PSG2: variants seen among roughly 807,000 people sequenced by gnomAD.
PSG2 encodes the protein pregnancy-specific beta-1-glycoprotein 2.
In PSG2, 49 loss-of-function variants were observed where a neutral mutation model predicts 36.2. The ratio of observed to expected loss-of-function variants is 1.35; its 90% CI spans 1.08 to 1.72. The LOEUF is 1.72. Among genes scored for constraint, PSG2 ranks in the 40% most tolerant of loss-of-function variants. PSG2 has a pLI of 0.00. For synonymous variants in PSG2, 261 were observed against 155.6 expected (o/e 1.68, Z -5.04); for missense variants, 605 against 407.2 (o/e 1.49, Z -4.18).
In PSG2 at chr19:43,075,538, G is replaced by A. The variant is rs201654813; in HGVS notation, c.525C>T (p.Asp175=). ...CATTCATCCACCACTGGTAGCTTGT[G>A]TCCGGAGTCTCAGGATCACAGGTTA... is the stretch of plus-strand genomic sequence containing the variant. ...VILTCDPETP[D]TSYQWWMNGQ... The change falls in exon 3 of 6, where the codon GAC becomes GAT. Residue 175 remains aspartate (D), a synonymous_variant. Coordinates refer to ENST00000406487, the MANE Select transcript of PSG2 (RefSeq NM_031246.4). 1 of 1,613,300 alleles carries A rather than the reference G, an allele frequency of 6.2e-7. No homozygotes were observed.
At position 43,071,705 on chromosome 19, in the gene PSG2, A is replaced by G. The variant is rs755466927; in HGVS notation, c.959T>C (p.Val320Ala). The stretch of plus-strand genomic sequence containing the variant: ...GGATGCTGGGATCCACTTACCAGAG[A>G]CTTTGACTGTCAACGATGTGGAGCT... ...EESSTSLTVK[V>A]SASTRIGLLP... Residue 320 changes from valine to alanine, a missense_variant, in exon 4 of 6, where the codon GTC (valine) becomes GCC (alanine). Val to Ala is a moderately conservative substitution (Grantham distance 64). Coordinates refer to ENST00000406487, the MANE Select transcript of PSG2 (RefSeq NM_031246.4). The G allele has an allele frequency of 1.9e-6, 3 of 1,612,886 alleles. No individual in the cohort carries two copies. Among genetic ancestry groups the G allele is most frequent in the South Asian group, 2.2e-5 (2 of 91,032 alleles).
intron 2 of PSG2, among the ~76,000 whole-genome samples, chr19:43,078,379 A>C (rs1207773831): frequency 1.3e-5 from 2 of 151,732 alleles, no homozygotes; most frequent in East Asian, 3.8e-4. Flanking sequence ...GACTGCTCCA[A>C]TGTCATTTGG....
intron 5 of PSG2, chr19:43,065,727 C>T (rs1479292971): frequency 6.6e-6 from 1 of 151,682 alleles, no homozygotes; most frequent in Non-Finnish European, 1.5e-5. Context: ...TTTTTGAACA[C>T]ATGAACTGAT....
intron 4 of PSG2, among the ~76,000 whole-genome samples, chr19:43,068,820 C>T (rs968373033): frequency 6.6e-6 from 1 of 151,530 alleles, no homozygotes; most frequent in Non-Finnish European, 1.5e-5. Flanking sequence ...GACAAGGATG[C>T]CCACTTTTGA....
chr19:43,076,817 G>C (rs573272367), intron 2 of PSG2, among the ~76,000 whole-genome samples: 2 of 136,732 alleles, frequency 1.5e-5, no homozygotes, highest in African/African-American at 6.6e-5. Flanking sequence ...AAAGTGTTTT[G>C]GATTTCTAAT....
In PSG2 at chr19:43,081,065, A is replaced by G. The variant is rs763706437; in HGVS notation, c.246T>C (p.Tyr82=). Residue 82 remains tyrosine (Y), a synonymous_variant, in exon 2 of 6, where the codon TAT becomes TAC. Coordinates refer to ENST00000406487, the MANE Select transcript of PSG2 (RefSeq NM_031246.4). ...ATATAATTATTTGACCGTCTACTAC[A>G]TATGATGTAATGTAATGGTAGAGGT... ...IRDLYHYITS[Y]VVDGQIIIYG... The G allele has an allele frequency of 3.4e-5, 55 of 1,612,726 alleles. No individual in the cohort carries two copies. The highest frequency in any genetic ancestry group is 5.0e-5 in the Admixed American group (3 of 59,928).
chr19:43,068,340 G>C (rs1967770020), intron 4 of PSG2, among the ~76,000 whole-genome samples: 1 of 151,174 alleles, frequency 6.6e-6, no homozygotes, highest in Non-Finnish European at 1.5e-5. Flanking sequence ...TTGAGAGGCT[G>C]AAGAAGGAGA....
chr19:43,077,945 G>T lies in PSG2; in HGVS notation c.431-2313C>A, dbSNP rs183648787. On this transcript the variant is annotated intron_variant, in intron 2 of 5. Transcript: ENST00000406487. ...TTGTTATATGCCTGACCGGAAGCCA[G>T]AAGTCTCTAGGAAGTGACTGGAGAA... 4.7e-4 allele frequency among the ~76,000 whole-genome samples: 69 copies of T among 147,278 alleles called. 2 individuals are homozygous for T. The highest frequency in any genetic ancestry group is 4.6e-3 in the Admixed American group (69 of 14,954).
intron 1 of PSG2, 150 bp from the exon 2 acceptor site, chr19:43,081,396 CACAAA>C: frequency 4.7e-6 from 5 of 1,055,678 alleles, no homozygotes; most frequent in Non-Finnish European, 3.9e-6. Flanking sequence ...CACACACACA[CACAAA>C]AGGGGCATGT....
chr19:43,074,207 G>A (rs900069578), intron 3 of PSG2, among the ~76,000 whole-genome samples: 1 of 151,528 alleles, frequency 6.6e-6, no homozygotes, highest in African/African-American at 2.4e-5. Context: ...TCAGATTTAG[G>A]ACGGAGTTTT....
chr19:43,068,689 A>G (rs1967776009), intron 4 of PSG2, among the ~76,000 whole-genome samples: 1 of 151,702 alleles, frequency 6.6e-6, no homozygotes, highest in Non-Finnish European at 1.5e-5. Context: ...TTTTCATAAG[A>G]AAAACATTGT....
At chr19:43,066,672 C>T (rs1215002723) in intron 4 of PSG2, 72 bp from the exon 5 acceptor site, 24 of 1,455,546 alleles carry the variant, frequency 1.6e-5, no homozygotes, top group East Asian at 1.1e-4. Context: ...CAGGAACAAG[C>T]ATGTAACATG....
In PSG2 at chr19:43,070,525, T is replaced by G. The variant is rs191983618; in HGVS notation, c.964+1175A>C. ...AATGTTATTCAACCTTAACAAGGAA[T>G]AAAATTCCAATACATCGTGCAAAAT... On this transcript the variant is annotated intron_variant, in intron 4 of 5. Transcript: ENST00000406487. 1.0e-3 allele frequency among the ~76,000 whole-genome samples: 152 copies of G among 151,878 alleles called. 5 individuals are homozygous for G. The highest frequency in any genetic ancestry group is 3.4e-3 in the Admixed American group (52 of 15,250).
intron 2 of PSG2, among the ~76,000 whole-genome samples, chr19:43,079,353 C>T (rs543929867): frequency 6.6e-6 from 1 of 151,384 alleles, no homozygotes; most frequent in East Asian, 1.9e-4. Context: ...GCTTTAGGGG[C>T]AAGAGGTAGT....
At chr19:43,072,793 C>A (rs1366757131) in intron 3 of PSG2, among the ~76,000 whole-genome samples, 2 of 151,706 alleles carry the variant, frequency 1.3e-5, no homozygotes, top group African/African-American at 2.4e-5. Context: ...GATCTAAGGG[C>A]TCAAAGACTG....
Position 43,080,910 on chromosome 19 carries a change from A to T in PSG2, c.401T>A (p.Val134Glu). The change falls in exon 2 of 6, where the codon GTA (valine) becomes GAA (glutamate). Residue 134 changes from valine to glutamate, a missense_variant. Transcript: ENST00000406487. ...IIKRGDGTRG[V>E]TGYFTFTLYL... ...TAAGGTGAAGGTGAAATATCCAGTT[A>T]CTCCTCTAGTCCCATCACCTCGCTT... is the stretch of plus-strand genomic sequence containing the variant. The T allele has an allele frequency of 6.2e-7, 1 of 1,611,968 alleles. No homozygotes were observed. The highest frequency in any genetic ancestry group is 1.1e-5 in the South Asian group (1 of 90,966).
intron 3 of PSG2, chr19:43,072,538 C>G: frequency 6.2e-7 from 1 of 1,611,290 alleles, no homozygotes; most frequent in Non-Finnish European, 8.5e-7. Context: ...AGGTGTAGCT[C>G]TCACTCTTAG....
chr19:43,066,798 C>A (rs1967746003), intron 4 of PSG2, among the ~76,000 whole-genome samples, 198 bp from the exon 5 acceptor site: 1 of 151,464 alleles, frequency 6.6e-6, no homozygotes, highest in African/African-American at 2.4e-5. Flanking sequence ...GGTTGGTGAT[C>A]AGTCCTCTGT....
intron 5 of PSG2, among the ~76,000 whole-genome samples, chr19:43,064,804 A>G (rs1967717820): frequency 6.6e-6 from 1 of 151,772 alleles, no homozygotes; most frequent in Non-Finnish European, 1.5e-5. Flanking sequence ...TGATTTTCAG[A>G]AATTTCATAT....
Sources: gnomAD v4.1 joint callset for allele counts (sites outside exome capture counted in the v4.1 genomes callset) on GRCh38, gnomAD v4.1.1 for gene constraint, MANE v1.5 for transcripts, NCBI Gene and HGNC (gene_info 2026-07-23, HGNC 2026-07-21) for gene names.